RNGTT: variants seen among roughly 807,000 people sequenced by gnomAD.
RNGTT encodes the protein mRNA-capping enzyme.
RNGTT carries 33 observed loss-of-function variants against 79.3 expected under a neutral mutation model. That is an observed-to-expected ratio of 0.42 (90% CI 0.32 to 0.56). RNGTT has a LOEUF of 0.56. RNGTT is among the 20% of genes least tolerant of loss of function. The pLI, the probability that RNGTT is intolerant of heterozygous loss-of-function variation, is 0.17. For synonymous variants in RNGTT, 222 were observed against 235.9 expected, an observed-to-expected ratio of 0.94 and a Z score of 0.54; for missense variants, 497 against 739.1, an observed-to-expected ratio of 0.67 and a Z score of 3.80.
chr6:88,690,778 A>G (rs1775449375), intron 13 of RNGTT, among the ~76,000 whole-genome samples: 1 of 152,170 alleles, frequency 6.6e-6, no homozygotes, highest in African/African-American at 2.4e-5. Flanking sequence ...GAAGCCACTG[A>G]GTAGATGAAA....
chr6:88,846,809 C>G (rs539005836), intron 10 of RNGTT, among the ~76,000 whole-genome samples: 1 of 151,934 alleles, frequency 6.6e-6, no homozygotes, highest in East Asian at 1.9e-4. Flanking sequence ...CTCCTGACCT[C>G]CATGACTCAA....
At chr6:88,680,447 A>G (rs1338019053) in intron 13 of RNGTT, among the ~76,000 whole-genome samples, 4 of 152,242 alleles carry the variant, frequency 2.6e-5, no homozygotes, top group East Asian at 1.9e-4. Flanking sequence ...CCTACGTTCT[A>G]TAAGAGCCTA....
chr6:88,724,492 T>C (rs1776818711), intron 13 of RNGTT, among the ~76,000 whole-genome samples: 1 of 152,190 alleles, frequency 6.6e-6, no homozygotes, highest in South Asian at 2.1e-4. Context: ...TTATACCATC[T>C]AGGACAGTGA....
chr6:88,930,133 C>CATACAT (rs929969033), intron 2 of RNGTT, among the ~76,000 whole-genome samples: 1 of 140,474 alleles, frequency 7.1e-6, no homozygotes, highest in Non-Finnish European at 1.5e-5. Context: ...TACACGTATA[C>CATACAT]ATACATATAC....
intron 1 of RNGTT, among the ~76,000 whole-genome samples, chr6:88,961,284 G>A (rs904313154): frequency 2.0e-5 from 3 of 151,962 alleles, no homozygotes; most frequent in African/African-American, 4.8e-5. Flanking sequence ...CCTTGTGATC[G>A]TGTGAGTTAA....
intron 14 of RNGTT, among the ~76,000 whole-genome samples, chr6:88,640,784 A>C (rs552873573): frequency 3.3e-5 from 5 of 152,158 alleles, no homozygotes; most frequent in Non-Finnish European, 7.3e-5. Context: ...CTATTTCTGA[A>C]TATGTATTAC....
intron 13 of RNGTT, among the ~76,000 whole-genome samples, chr6:88,757,124 G>A (rs1562236574): frequency 6.6e-6 from 1 of 152,100 alleles, no homozygotes; most frequent in Non-Finnish European, 1.5e-5. Flanking sequence ...ATCAGTTACT[G>A]GTCCCTGAGG....
At chr6:88,639,505 CAAGT>C (rs1233651728) in intron 14 of RNGTT, among the ~76,000 whole-genome samples, 1 of 152,086 alleles carries the variant, frequency 6.6e-6, no homozygotes, top group African/African-American at 2.4e-5. Flanking sequence ...AAGCACTTGC[CAAGT>C]AAGTGGCACA....
intron 14 of RNGTT, among the ~76,000 whole-genome samples, chr6:88,623,888 A>G (rs1334854097): frequency 6.6e-6 from 1 of 152,102 alleles, no homozygotes; most frequent in Non-Finnish European, 1.5e-5. Flanking sequence ...GATGTTAAAT[A>G]CATACATAAA....
intron 12 of RNGTT, among the ~76,000 whole-genome samples, chr6:88,780,315 A>T (rs760267320): frequency 1.6e-4 from 24 of 152,208 alleles, no homozygotes; most frequent in Non-Finnish European, 2.6e-4. Context: ...TTTATGAAAG[A>T]TTATATAAAT....
chr6:88,897,227 C>T (rs1783280417), intron 6 of RNGTT, among the ~76,000 whole-genome samples: 1 of 152,166 alleles, frequency 6.6e-6, no homozygotes, highest in Admixed American at 6.6e-5. Flanking sequence ...GTGCCCCTTA[C>T]CCTCTTGTTC....
chr6:88,946,194 T>C (rs1785003634), intron 1 of RNGTT, among the ~76,000 whole-genome samples: 1 of 152,248 alleles, frequency 6.6e-6, no homozygotes, highest in African/African-American at 2.4e-5. Context: ...TTTGGTAATT[T>C]CCACAATAGT....
intron 14 of RNGTT, among the ~76,000 whole-genome samples, chr6:88,637,678 A>G (rs1314664588): frequency 6.6e-6 from 1 of 152,070 alleles, no homozygotes; most frequent in Admixed American, 6.6e-5. Context: ...TTCTCATGGG[A>G]AAGAAACACG....
At chr6:88,838,989 C>A (rs1330293324) in intron 11 of RNGTT, among the ~76,000 whole-genome samples, 1 of 149,468 alleles carries the variant, frequency 6.7e-6, no homozygotes, top group Non-Finnish European at 1.5e-5. Context: ...TATGAATGTG[C>A]AAAAGTAATT....
At chr6:88,629,654 G>T (rs1311857386) in intron 14 of RNGTT, among the ~76,000 whole-genome samples, 1 of 152,086 alleles carries the variant, frequency 6.6e-6, no homozygotes, top group Non-Finnish European at 1.5e-5. Context: ...ATTTTTGGAC[G>T]TTCACCACTC....
At chr6:88,698,235 AATAT>A (rs1276791462) in intron 13 of RNGTT, among the ~76,000 whole-genome samples, 3 of 115,966 alleles carry the variant, frequency 2.6e-5, no homozygotes, top group Non-Finnish European at 4.9e-5. Flanking sequence ...ATATATATGA[AATAT>A]ATATATGAAA....
intron 13 of RNGTT, among the ~76,000 whole-genome samples, chr6:88,697,878 A>AATATATATATGAT (rs1233788646): frequency 8.7e-6 from 1 of 114,554 alleles, no homozygotes; most frequent in South Asian, 2.5e-4. Flanking sequence ...CTTGGAAAAA[A>AATATATATATGAT]ATATATATAT....
At chr6:88,902,289 G>GGAAT (rs1157892934) in intron 6 of RNGTT, among the ~76,000 whole-genome samples, 8 of 152,030 alleles carry the variant, frequency 5.3e-5, no homozygotes, top group African/African-American at 1.9e-4. Flanking sequence ...ATAAGTAAAT[G>GGAAT]GAATAAAAGA....
At chr6:88,876,155 T>C (rs1782511175) in intron 8 of RNGTT, among the ~76,000 whole-genome samples, 1 of 152,230 alleles carries the variant, frequency 6.6e-6, no homozygotes, top group South Asian at 2.1e-4. Context: ...AACTATTTTT[T>C]CTTGGCAGCA....
Sources: allele counts gnomAD v4.1 joint callset (sites outside exome capture counted in the v4.1 genomes callset), GRCh38; gene constraint gnomAD v4.1.1; transcripts MANE v1.5; gene names NCBI Gene and HGNC (gene_info 2026-07-23, HGNC 2026-07-21).